Variants in UBE2E2 observed in about 807,000 individuals in gnomAD.
UBE2E2 encodes ubiquitin-conjugating enzyme E2 E2.
In UBE2E2, 6 loss-of-function variants were observed where a neutral mutation model predicts 24.7. The ratio of observed to expected loss-of-function variants is 0.24; its 90% confidence interval spans 0.13 to 0.48. The LOEUF is 0.48. UBE2E2 is among the 20% of genes least tolerant of loss of function. The pLI is 0.99. For missense variants in UBE2E2, 169 were observed against 245.0 expected (o/e 0.69, Z 2.07); for synonymous variants, 104 against 83.6 (o/e 1.24, Z -1.33).
intron 5 of UBE2E2, among the ~76,000 whole-genome samples, chr3:23,545,056 GT>G (rs1416348351): frequency 1.9e-4 from 29 of 152,256 alleles, no homozygotes; most frequent in Non-Finnish European, 2.6e-4. Flanking sequence ...CCCTAAGGCG[GT>G]TTTTCCCTAT....
chr3:23,218,744 A>G (rs1696548110), intron 3 of UBE2E2, among the ~76,000 whole-genome samples: 1 of 152,130 alleles, frequency 6.6e-6, no homozygotes, highest in Non-Finnish European at 1.5e-5. Context: ...AATGAAATCC[A>G]CATACAGTAT....
intron 5 of UBE2E2, among the ~76,000 whole-genome samples, chr3:23,549,672 A>G (rs189784258): frequency 8.0e-5 from 12 of 150,706 alleles, no homozygotes; most frequent in African/African-American, 2.7e-4. Flanking sequence ...ATTACGTGGA[A>G]TGTTATTGAA....
chr3:23,284,880 T>C (rs896236115), intron 3 of UBE2E2, among the ~76,000 whole-genome samples: 3 of 151,562 alleles, frequency 2.0e-5, no homozygotes, highest in Non-Finnish European at 4.4e-5. Context: ...TATTACTGAC[T>C]GTAGCCACCC....
intron 1 of UBE2E2, among the ~76,000 whole-genome samples, 185 bp downstream of exon 1, chr3:23,203,649 C>T (rs1468348765): frequency 7.2e-6 from 1 of 139,626 alleles, no homozygotes; most frequent in Non-Finnish European, 1.6e-5. Flanking sequence ...AGCCTCCTGC[C>T]CCCGTTTCTC....
Position 23,477,492 on chromosome 3 carries a change from C to T in UBE2E2, c.228-22116C>T, listed in dbSNP as rs77390926. Among the ~76,000 whole-genome samples, 238 of 152,266 alleles carry T rather than the reference C, an allele frequency of 1.6e-3. 5 individuals carry two copies. In the East Asian group the frequency reaches 0.016, roughly 10 times the overall value. On this transcript the variant is annotated intron_variant, in intron 3 of 5. Coordinates refer to ENST00000396703, the MANE Select transcript of UBE2E2 (RefSeq NM_152653.4). The stretch of plus-strand genomic sequence containing the variant: ...TATTTGCTTACTGTTATCTTCCCTT[C>T]GCTAGGATATAAGTTCCATGAAATG...
At chr3:23,411,226 A>T (rs541286700) in intron 3 of UBE2E2, among the ~76,000 whole-genome samples, 1 of 152,302 alleles carries the variant, frequency 6.6e-6, no homozygotes, top group East Asian at 1.9e-4. Flanking sequence ...TGAACTGTTG[A>T]TAAAAGTCAG....
At chr3:23,226,055 C>T (rs1575484799) in intron 3 of UBE2E2, among the ~76,000 whole-genome samples, 1 of 152,082 alleles carries the variant, frequency 6.6e-6, no homozygotes, top group Middle Eastern at 3.4e-3. Flanking sequence ...AATGTTTGTA[C>T]TTTTAGTAGA....
chr3:23,429,831 C>T (rs1220515817), intron 3 of UBE2E2, among the ~76,000 whole-genome samples: 1 of 152,272 alleles, frequency 6.6e-6, no homozygotes, highest in South Asian at 2.1e-4. Flanking sequence ...TTGCAGTATA[C>T]AAGATTAATA....
At chr3:23,306,021 A>G (rs537299438) in intron 3 of UBE2E2, among the ~76,000 whole-genome samples, 2 of 152,334 alleles carry the variant, frequency 1.3e-5, no homozygotes, top group East Asian at 1.9e-4. Context: ...TGACATGACC[A>G]TATTAACAAT....
rs187645198 is a variant in UBE2E2 at position 23,481,307 on chromosome 3, G to A, written c.228-18301G>A. On this transcript the variant is annotated intron_variant, in intron 3 of 5. Coordinates refer to ENST00000396703, the MANE Select transcript of UBE2E2 (RefSeq NM_152653.4). ...CCACCTGCATCAAATGAGTAATAGC[G>A]TTTTACAAGTAGTAGCAATTTTTCT... Among the ~76,000 whole-genome samples the A allele has an allele frequency of 2.8e-3, 421 of 152,262 alleles. 4 individuals are homozygous for A. The highest frequency in any genetic ancestry group is 8.8e-3 in the African/African-American group (366 of 41,540).
At chr3:23,394,630 C>T (rs1480816482) in intron 3 of UBE2E2, among the ~76,000 whole-genome samples, 3 of 152,146 alleles carry the variant, frequency 2.0e-5, no homozygotes, top group African/African-American at 4.8e-5. Context: ...CTGTCCCTAC[C>T]GTTAATCCTC....
At chr3:23,379,671 A>T (rs1040821740) in intron 3 of UBE2E2, among the ~76,000 whole-genome samples, 5 of 151,850 alleles carry the variant, frequency 3.3e-5, no homozygotes, top group Non-Finnish European at 5.9e-5. Flanking sequence ...TGGTTCCAAG[A>T]TTATGTATTT....
At chr3:23,546,083 A>T (rs375857414) in intron 5 of UBE2E2, among the ~76,000 whole-genome samples, 2 of 152,340 alleles carry the variant, frequency 1.3e-5, no homozygotes, top group South Asian at 4.1e-4. Context: ...AGGTATACTA[A>T]AATCTCAGAC....
Position 23,367,718 on chromosome 3 carries a change from C to G in UBE2E2, c.228-131890C>G, listed in dbSNP as rs75162636. The stretch of plus-strand genomic sequence containing the variant: ...GGGTTGCAGAAACCCTAACTGGAAG[C>G]CAGTGGGCAGACGTTCTGGAGACCC... On this transcript the variant is annotated intron_variant, in intron 3 of 5. Transcript: ENST00000396703. Among the ~76,000 whole-genome samples, 98 of 152,264 alleles carry G rather than the reference C, an allele frequency of 6.4e-4. 5 individuals are homozygous for G. The East Asian group carries it at 0.015, about 24-fold the overall frequency.
At chr3:23,483,105 A>G (rs570692024) in intron 3 of UBE2E2, among the ~76,000 whole-genome samples, 2 of 152,306 alleles carry the variant, frequency 1.3e-5, no homozygotes, top group Admixed American at 6.5e-5. Flanking sequence ...CATTTAGTTT[A>G]TCATTGCTGC....
chr3:23,404,099 T>C (rs1697295883), intron 3 of UBE2E2, among the ~76,000 whole-genome samples: 1 of 152,162 alleles, frequency 6.6e-6, no homozygotes. Context: ...TTGACTCTTA[T>C]TTGACATTGC....
intron 3 of UBE2E2, among the ~76,000 whole-genome samples, chr3:23,425,907 G>T (rs182452142): frequency 2.7e-4 from 41 of 152,226 alleles, no homozygotes; most frequent in African/African-American, 8.2e-4. Context: ...ACAAGCAACA[G>T]AACCAGATTC....
chr3:23,355,893 TTA>T (rs1369194697), intron 3 of UBE2E2, among the ~76,000 whole-genome samples: 2 of 152,172 alleles, frequency 1.3e-5, no homozygotes, highest in African/African-American at 2.4e-5. Context: ...TTGAGGAAAA[TTA>T]TATCTCTTAC....
chr3:23,359,972 C>T (rs926530818), intron 3 of UBE2E2, among the ~76,000 whole-genome samples: 1 of 137,352 alleles, frequency 7.3e-6, no homozygotes, highest in Non-Finnish European at 1.6e-5. Flanking sequence ...AGTCCTCTCT[C>T]TTGATGCCCC....
Sources: gnomAD v4.1 joint callset for allele counts (sites outside exome capture counted in the v4.1 genomes callset) on GRCh38, gnomAD v4.1.1 for gene constraint, MANE v1.5 for transcripts, NCBI Gene and HGNC (gene_info 2026-07-23, HGNC 2026-07-21) for gene names.